JMJD1C: variants seen among roughly 807,000 people sequenced by gnomAD.
The protein encoded by JMJD1C is jumonji domain containing 1C.
Under a neutral mutation model 245.3 loss-of-function variants are expected in JMJD1C, and 31 were observed. That is an observed-to-expected ratio of 0.13 (90% CI 0.09 to 0.17). The LOEUF is 0.17. JMJD1C is among the 10% of genes least tolerant of loss of function. The pLI is 1.00. For missense variants in JMJD1C, 2,691 were observed against 3,000.2 expected (o/e 0.90, Z 2.41); for synonymous variants, 1,057 against 1,017.4 (o/e 1.04, Z -0.74).
upstream of JMJD1C, among the ~76,000 whole-genome samples, chr10:63,469,734 T>C (rs1953430212): frequency 7.0e-6 from 1 of 142,096 alleles, no homozygotes. Flanking sequence ...AGGCTTTTAT[T>C]AATTGTCAAA....
intron 16 of JMJD1C, among the ~76,000 whole-genome samples, chr10:63,191,942 C>CGT (rs1844857237): frequency 7.9e-6 from 1 of 126,508 alleles, no homozygotes; most frequent in African/African-American, 3.0e-5. Context: ...CGAGATCATG[C>CGT]CATTGCACTC....
intron 1 of JMJD1C, among the ~76,000 whole-genome samples, chr10:63,406,053 A>T (rs1949150805): frequency 6.6e-6 from 1 of 152,222 alleles, no homozygotes; most frequent in Non-Finnish European, 1.5e-5. Flanking sequence ...AGGAGGCTAA[A>T]CTAAGAAGAA....
upstream of JMJD1C, chr10:63,466,017 G>C (rs562192595): frequency 8.0e-6 from 2 of 250,070 alleles, no homozygotes; most frequent in Non-Finnish European, 7.7e-6. Context: ...CGCGCAGCGC[G>C]TCTCCTTCCG....
chr10:63,495,408 A>T (rs1954326307), intron 1 of JMJD1C, among the ~76,000 whole-genome samples: 1 of 113,670 alleles, frequency 8.8e-6, no homozygotes, highest in African/African-American at 2.7e-5. Context: ...AGAATTCATA[A>T]AAAAAAAAAA....
At chr10:63,331,372 C>T (rs1005615858) in intron 2 of JMJD1C, among the ~76,000 whole-genome samples, 1 of 152,328 alleles carries the variant, frequency 6.6e-6, no homozygotes, top group East Asian at 1.9e-4. Context: ...CCTCGTCCTA[C>T]AAAATTATAT....
intron 2 of JMJD1C, among the ~76,000 whole-genome samples, chr10:63,375,878 A>G (rs1417264660): frequency 2.0e-5 from 3 of 152,128 alleles, no homozygotes; most frequent in African/African-American, 7.2e-5. Flanking sequence ...ATCCATCTAC[A>G]GATTCAATTC....
At chr10:63,453,546 G>A (rs924235183) in intron 1 of JMJD1C, among the ~76,000 whole-genome samples, 1 of 152,100 alleles carries the variant, frequency 6.6e-6, no homozygotes, top group Non-Finnish European at 1.5e-5. Context: ...GAGAAAAAGT[G>A]AATGTTTTAA....
chr10:63,253,962 T>A (rs1853477558), intron 3 of JMJD1C, among the ~76,000 whole-genome samples: 1 of 152,168 alleles, frequency 6.6e-6, no homozygotes, highest in South Asian at 2.1e-4. Context: ...GTTCTGAACA[T>A]AACAAACCTG....
At chr10:63,223,606 T>TG (rs1848892673) in intron 3 of JMJD1C, among the ~76,000 whole-genome samples, 1 of 152,190 alleles carries the variant, frequency 6.6e-6, no homozygotes, top group Non-Finnish European at 1.5e-5. Context: ...TGTTGGAATT[T>TG]TACAACTTAT....
chr10:63,356,892 G>A (rs1213634823), intron 2 of JMJD1C, among the ~76,000 whole-genome samples: 2 of 152,140 alleles, frequency 1.3e-5, no homozygotes, highest in Non-Finnish European at 2.9e-5. Context: ...ACTTTAGCAA[G>A]TTAATTAACT....
At chr10:63,173,395 A>T (rs1481195670) in intron 24 of JMJD1C, among the ~76,000 whole-genome samples, 3 of 152,174 alleles carry the variant, frequency 2.0e-5, no homozygotes, top group African/African-American at 7.2e-5. Context: ...TACCATCCAT[A>T]AAAGAGAAAC....
At chr10:63,350,784 T>C (rs891870398) in intron 2 of JMJD1C, among the ~76,000 whole-genome samples, 1 of 151,810 alleles carries the variant, frequency 6.6e-6, no homozygotes, top group African/African-American at 2.4e-5. Flanking sequence ...GCCCAGCTAA[T>C]TTTTTTGTAT....
At chr10:63,410,853 T>A (rs1362382560) in intron 1 of JMJD1C, among the ~76,000 whole-genome samples, 4 of 152,100 alleles carry the variant, frequency 2.6e-5, no homozygotes, top group African/African-American at 9.7e-5. Context: ...CAGCAAACAA[T>A]CCTAAGCATT....
At chr10:63,457,662 G>GA (rs1467543409) in intron 1 of JMJD1C, among the ~76,000 whole-genome samples, 1 of 152,170 alleles carries the variant, frequency 6.6e-6, no homozygotes, top group Non-Finnish European at 1.5e-5. Flanking sequence ...TGAAGAAAGA[G>GA]AAAGGGCTCA....
At chr10:63,506,856 T>A (rs766324562) in intron 1 of JMJD1C, among the ~76,000 whole-genome samples, 1 of 152,240 alleles carries the variant, frequency 6.6e-6, no homozygotes, top group Non-Finnish European at 1.5e-5. Context: ...TATAATGACA[T>A]GTATGCACTA....
chr10:63,282,961 CT>C (rs1041995036), intron 2 of JMJD1C, among the ~76,000 whole-genome samples: 1 of 152,220 alleles, frequency 6.6e-6, no homozygotes, highest in Non-Finnish European at 1.5e-5. Context: ...TGTGATCTGC[CT>C]GCCTGGGCCT....
Position 63,200,477 on chromosome 10 carries a change from G to T in JMJD1C, c.5275C>A (p.Arg1759=). ...TCCCAATCTCATATTTTCACTTACC[G>T]TCTAAAGTAGTAAAATCTACAAAAT... The part of the protein sequence containing the change: ...PVFCRFYYFR[R]LSFSKNGVVR... Residue 1759 remains arginine (R), a splice_region_variant and synonymous_variant, in exon 11 of 26, where the codon CGG becomes AGG. Transcript: ENST00000399262. The T allele has an allele frequency of 6.2e-7, 1 of 1,606,952 alleles. No individual in the cohort carries two copies. The highest frequency in any genetic ancestry group is 8.5e-7 in the Non-Finnish European group (1 of 1,173,954).
chr10:63,170,195 T>C (rs1172674963), intron 24 of JMJD1C, among the ~76,000 whole-genome samples: 3 of 152,244 alleles, frequency 2.0e-5, no homozygotes, highest in Admixed American at 6.5e-5. Context: ...TGATTTCTGC[T>C]GGCTCTTTGA....
intron 2 of JMJD1C, among the ~76,000 whole-genome samples, chr10:63,287,608 A>C (rs771590253): frequency 1.3e-5 from 2 of 152,248 alleles, no homozygotes; most frequent in African/African-American, 2.4e-5. Context: ...ATATACACGA[A>C]AAATTTCATA....
Sources: gnomAD v4.1 joint callset for allele counts (sites outside exome capture counted in the v4.1 genomes callset) on GRCh38, gnomAD v4.1.1 for gene constraint, MANE v1.5 for transcripts, NCBI Gene and HGNC (gene_info 2026-07-23, HGNC 2026-07-21) for gene names.